Variants in CC2D1A observed in about 807,000 individuals in gnomAD.
CC2D1A encodes coiled-coil and C2 domain containing 1A.
In CC2D1A, 68 loss-of-function variants were observed where a neutral mutation model predicts 123.8. The observed-to-expected ratio is 0.55, with a 90% CI of 0.45 to 0.67. The LOEUF (loss-of-function observed/expected upper bound fraction) is 0.67, where lower values mean the gene tolerates loss of function less well. CC2D1A is among the 30% of genes least tolerant of loss of function. CC2D1A has a pLI of 0.00. For missense variants in CC2D1A, 1,185 were observed against 1,290.3 expected, an observed-to-expected ratio of 0.92 and a Z score of 1.25; for synonymous variants, 477 against 528.0, an observed-to-expected ratio of 0.90 and a Z score of 1.32.
chr19:13,917,519 A>C (rs1971248299), intron 6 of CC2D1A, among the ~76,000 whole-genome samples: 1 of 152,158 alleles, frequency 6.6e-6, no homozygotes, highest in Admixed American at 6.5e-5. Flanking sequence ...CAAGGTGAGC[A>C]GATCACTTGA....
rs1469966831 is a variant in CC2D1A, at chr19:13,906,713, C to T, written c.60+212C>T. Among the ~76,000 whole-genome samples the T allele has an allele frequency of 6.6e-6, 1 of 152,248 alleles. No individual in the cohort carries two copies. Among genetic ancestry groups the T allele is most frequent in the African/African-American group, 2.4e-5 (1 of 41,466 alleles). ...TGGGGCCCTGCCCCGGGTTCGGGGC[C>T]ACCTGTTGCCACAGCTGCTCCAGTC... On this transcript the variant is annotated intron_variant, in intron 1 of 28. Transcript: ENST00000318003. The surrounding 1 kb of genome is among the most constrained non-coding windows in gnomAD (Gnocchi z 4.1).
chr19:13,910,037 A>G, intron 2 of CC2D1A, 79 bp downstream of exon 2: 4 of 1,340,828 alleles, frequency 3.0e-6, no homozygotes, highest in Non-Finnish European at 3.9e-6. Flanking sequence ...GGCACTGGGT[A>G]GGTAGGGGAA....
Position 13,926,975 on chromosome 19 carries a change from C to T in CC2D1A, c.2126-3C>T, listed in dbSNP as rs777140564. ...AACTTCCTCTCCCTCCTTCCTCCTG[C>T]AGAGTTCAAGGAGCAGTTCAAACTC... On this transcript the variant is annotated splice_polypyrimidine_tract_variant and splice_region_variant and intron_variant, in intron 20 of 28. Transcript: ENST00000318003. The T allele has an allele frequency of 7.4e-6, 12 of 1,613,846 alleles. No homozygotes were observed. The highest frequency in any genetic ancestry group is 1.0e-5 in the Non-Finnish European group (12 of 1,179,794).
chr19:13,927,504 C>A, intron 22 of CC2D1A: 1 of 535,088 alleles, frequency 1.9e-6, no homozygotes, highest in African/African-American at 1.9e-5. Flanking sequence ...CTTGGCCAGG[C>A]ATGGTGGCTC....
chr19:13,926,830 C>T lies in CC2D1A; in HGVS notation c.2083C>T (p.Gln695Ter), dbSNP rs1971660747. 2 of 1,614,082 alleles carry T rather than the reference C, an allele frequency of 1.2e-6. No homozygotes were observed. The highest frequency in any genetic ancestry group is 1.7e-6 in the Non-Finnish European group (2 of 1,180,016). The change falls in exon 20 of 29, where the codon CAG becomes TAG. Residue 695 changes from glutamine to a stop codon, truncating the protein, a stop_gained. Coordinates refer to ENST00000318003, the MANE Select transcript of CC2D1A (RefSeq NM_017721.5). LOFTEE classifies it high-confidence loss of function. ...TCCTCTCTGGTCATAGGAAGAAGCTCAGAAAGACAAGACCAGTGTGATCAA... is the reference window on the plus strand; with the variant it reads ...TCCTCTCTGGTCATAGGAAGAAGCTTAGAAAGACAAGACCAGTGTGATCAA... ...DFPYPNVEEA[Q>*]KDKTSVIKNT...
At chr19:13,929,934 G>A in intron 26 of CC2D1A, 144 bp from the exon 27 acceptor site, 2 of 580,762 alleles carry the variant, frequency 3.4e-6, no homozygotes, top group Non-Finnish European at 6.1e-6. Flanking sequence ...GAGGGGGAGG[G>A]GCTCGGGGAT....
In CC2D1A at chr19:13,923,774, A is replaced by T. The variant is rs2290663; in HGVS notation, c.1903A>T (p.Thr635Ser). The T allele has an allele frequency of 3.7e-6, 6 of 1,614,130 alleles. No homozygotes were observed. In the East Asian group the frequency reaches 1.3e-4, roughly 36 times the overall value. The change falls in exon 17 of 29, where the codon ACC becomes TCC. Residue 635 changes from threonine to serine, a missense_variant. Physicochemically the swap from Thr to Ser is moderately conservative, Grantham distance 58. Coordinates refer to ENST00000318003, the MANE Select transcript of CC2D1A (RefSeq NM_017721.5). The surrounding 1 kb of genome is among the most constrained non-coding windows in gnomAD (Gnocchi z 5.3). The part of the protein sequence containing the change: ...QAFVRGLPTP[T>S]ARFEQRTFSV... ...CTTCGTCCGGGGTCTCCCCACGCCCACCGCCCGCTTTGAGCAAAGGACCTT... is the reference window on the plus strand; with the variant it reads ...CTTCGTCCGGGGTCTCCCCACGCCCTCCGCCCGCTTTGAGCAAAGGACCTT...
chr19:13,925,961 C>CGTATATATATATAT (rs1971590775), intron 17 of CC2D1A, among the ~76,000 whole-genome samples: 2 of 98,396 alleles, frequency 2.0e-5, no homozygotes, highest in African/African-American at 1.2e-4. Flanking sequence ...TATATATATA[C>CGTATATATATATAT]ACGTATATAT....
intron 12 of CC2D1A, 94 bp from the exon 13 acceptor site, chr19:13,920,463 T>C: frequency 1.3e-6 from 1 of 787,032 alleles, no homozygotes; most frequent in Admixed American, 2.2e-5. Flanking sequence ...GCCCACTAAA[T>C]GACCACTGTT....
At chr19:13,927,296 G>A (rs750621801) in intron 22 of CC2D1A, 31 bp downstream of exon 22, 14 of 1,539,686 alleles carry the variant, frequency 9.1e-6, no homozygotes, top group Admixed American at 5.0e-5. Flanking sequence ...CGCGTGCTCC[G>A]GTATGGCCAT....
At chr19:13,919,781 C>G (rs1320576560) in intron 11 of CC2D1A, 37 bp from the exon 12 acceptor site, 2 of 1,558,192 alleles carry the variant, frequency 1.3e-6, no homozygotes, top group African/African-American at 2.7e-5. Context: ...GGTCTCCATC[C>G]TGACACACAA....
chr19:13,920,059 C>A, intron 12 of CC2D1A, 108 bp downstream of exon 12: 1 of 1,174,720 alleles, frequency 8.5e-7, no homozygotes, highest in Non-Finnish European at 1.2e-6. Flanking sequence ...CCATCCTGGG[C>A]CACACAGTGA....
intron 12 of CC2D1A, chr19:13,920,326 G>A: frequency 1.8e-6 from 1 of 544,158 alleles, no homozygotes; most frequent in East Asian, 3.3e-5. Flanking sequence ...AGTGAGCCAA[G>A]ATCGTGCTAC....
chr19:13,918,526 C>A lies in CC2D1A; in HGVS notation c.896C>A (p.Ala299Asp). 6.2e-7 allele frequency: 1 copy of A among 1,613,920 alleles called. No homozygotes were observed. Among genetic ancestry groups the A allele is most frequent in the Non-Finnish European group, 8.5e-7 (1 of 1,179,970 alleles). Residue 299 changes from alanine to aspartate, a missense_variant, in exon 8 of 29, where the codon GCC becomes GAC. Transcript: ENST00000318003. ...CAGAGCTTTGATGCTGTCTTGGAGGCCCTGAGCCGGGGTGAGCCCGTGGAC... is the reference window on the plus strand; with the variant it reads ...CAGAGCTTTGATGCTGTCTTGGAGGACCTGAGCCGGGGTGAGCCCGTGGAC... ...VAKSFDAVLE[A>D]LSRGEPVDLS... is the part of the protein sequence containing the mutation.
At position 13,906,621 on chromosome 19, in the gene CC2D1A, C is replaced by A; in HGVS notation, c.60+120C>A. 1.7e-6 allele frequency: 1 copy of A among 577,420 alleles called. No individual in the cohort carries two copies. Among genetic ancestry groups the A allele is most frequent in the Non-Finnish European group, 2.9e-6 (1 of 350,842 alleles). The allele number at this position is 577,420 out of a possible 1,614,324, so 35.8% of individuals were successfully genotyped here. A position where few individuals can be genotyped will look rare whatever the true frequency, so the allele number is the denominator to read the frequency against. ...CGCCCCACAGGTAAGCCCCGGTCCC[C>A]GCCTCCCCCCAGGTGAGGCTCCAAC... is the stretch of plus-strand genomic sequence containing the variant. On this transcript the variant is annotated intron_variant, in intron 1 of 28. Coordinates refer to ENST00000318003, the MANE Select transcript of CC2D1A (RefSeq NM_017721.5). This position sits in a 1 kb window ranked among gnomAD's most constrained non-coding sequence, Gnocchi z 4.1.
At chr19:13,908,577 C>T (rs1306020489) in intron 1 of CC2D1A, among the ~76,000 whole-genome samples, 2 of 152,060 alleles carry the variant, frequency 1.3e-5, no homozygotes, top group African/African-American at 4.8e-5. Flanking sequence ...AGCAATTCTC[C>T]TGCCTCAGCC....
At chr19:13,908,657 G>T (rs1216520910) in intron 1 of CC2D1A, among the ~76,000 whole-genome samples, 1 of 151,446 alleles carries the variant, frequency 6.6e-6, no homozygotes, top group African/African-American at 2.4e-5. Context: ...GTAGAGACGG[G>T]GTTTCACCAT....
intron 14 of CC2D1A, among the ~76,000 whole-genome samples, chr19:13,921,762 G>A (rs533183042): frequency 2.0e-5 from 3 of 152,250 alleles, no homozygotes; most frequent in African/African-American, 7.2e-5. Context: ...CACTCTCTCT[G>A]GACATGGTGG....
At chr19:13,926,000 GTATATA>G (rs371488551) in intron 17 of CC2D1A, among the ~76,000 whole-genome samples, 1 of 71,718 alleles carries the variant, frequency 1.4e-5, no homozygotes, top group Non-Finnish European at 2.3e-5. Context: ...ATATATGTGT[GTATATA>G]TATATATACG....
Sources: allele counts gnomAD v4.1 joint callset (sites outside exome capture counted in the v4.1 genomes callset), GRCh38; gene constraint gnomAD v4.1.1; non-coding constraint Gnocchi (gnomAD v3.1); transcripts MANE v1.5; gene names NCBI Gene and HGNC (gene_info 2026-07-23, HGNC 2026-07-21).